The following SETD3 variants were observed in gnomAD, a reference collection of about 807,000 sequenced individuals.
SETD3 encodes the protein actin-histidine N-methyltransferase.
In SETD3, 19 loss-of-function variants were observed where a neutral mutation model predicts 63.0. The ratio of observed to expected loss-of-function variants is 0.30; its 90% CI spans 0.21 to 0.44. The LOEUF (loss-of-function observed/expected upper bound fraction) is 0.44, where lower values mean the gene tolerates loss of function less well. SETD3 is among the 20% of genes least tolerant of loss of function. The probability of loss-of-function intolerance (pLI) is 1.00; values close to 1 mark genes in which losing one functional copy is unlikely to be tolerated. For synonymous variants in SETD3, 286 were observed against 264.1 expected (o/e 1.08, Z -0.80); for missense variants, 587 against 728.5 (o/e 0.81, Z 2.24).
the SETD3 span, among the ~76,000 whole-genome samples, chr14:99,486,361 G>C: frequency 6.6e-6 from 1 of 152,092 alleles, no homozygotes. Flanking sequence ...GCAAACGCTC[G>C]CCTTTGGTGA....
chr14:99,462,333 A>C (rs1194674240), intron 3 of SETD3, among the ~76,000 whole-genome samples: 1 of 152,208 alleles, frequency 6.6e-6, no homozygotes, highest in Non-Finnish European at 1.5e-5. Context: ...TGGATGAATA[A>C]AAGGAGGGGA....
chr14:99,467,740 A>G (rs953498352), intron 1 of SETD3, among the ~76,000 whole-genome samples: 1 of 152,304 alleles, frequency 6.6e-6, no homozygotes. Context: ...GAGGAGCTCC[A>G]AGACCCTTTC....
At chr14:99,433,734 G>A (rs561446045) in intron 6 of SETD3, among the ~76,000 whole-genome samples, 15 of 152,158 alleles carry the variant, frequency 9.9e-5, no homozygotes, top group Non-Finnish European at 2.2e-4. Flanking sequence ...ACCACATCCG[G>A]CCTTAAAAAT....
At position 99,471,012 on chromosome 14, in the gene SETD3, C is replaced by T. The variant is rs193067445; in HGVS notation, c.-8-5199G>A. The stretch of plus-strand genomic sequence containing the variant: ...CCTTGGTGAGTATATCAGGGTCCTC[C>T]ACCTAAAATTTACCTGGCTAAAACC... On this transcript the variant is annotated intron_variant, in intron 1 of 12. Coordinates refer to ENST00000331768, the MANE Select transcript of SETD3 (RefSeq NM_032233.3). Among the ~76,000 whole-genome samples, 425 of 152,234 alleles carry T rather than the reference C, an allele frequency of 2.8e-3. 1 individual carries two copies. The highest frequency in any genetic ancestry group is 9.4e-3 in the African/African-American group (391 of 41,522).
chr14:99,436,037 A>G (rs1893461399), intron 6 of SETD3, among the ~76,000 whole-genome samples: 1 of 152,276 alleles, frequency 6.6e-6, no homozygotes, highest in Admixed American at 6.5e-5. Context: ...CTTCTTCACA[A>G]GGCAGCAGGA....
chr14:99,402,824 C>T (rs1007945223), intron 11 of SETD3, among the ~76,000 whole-genome samples: 1 of 152,226 alleles, frequency 6.6e-6, no homozygotes, highest in Non-Finnish European at 1.5e-5. Flanking sequence ...TAAAACTGAG[C>T]ATGTACCAAA....
intron 6 of SETD3, 142 bp downstream of exon 6, chr14:99,458,137 G>T: frequency 1.0e-6 from 1 of 1,001,468 alleles, no homozygotes. Flanking sequence ...AACAAACGAT[G>T]AAATGTATTT....
intron 6 of SETD3, among the ~76,000 whole-genome samples, chr14:99,426,013 C>G (rs1445643344): frequency 1.3e-5 from 2 of 151,966 alleles, no homozygotes; most frequent in African/African-American, 2.4e-5. Context: ...ATTATTAATC[C>G]CTAAAAAAAA....
At chr14:99,461,137 G>A in intron 4 of SETD3, 55 bp downstream of exon 4, 1 of 1,597,184 alleles carries the variant, frequency 6.3e-7, no homozygotes, top group Non-Finnish European at 8.5e-7. Context: ...GCCCTCTACA[G>A]CACACCACAG....
chr14:99,464,113 C>G (rs1350928943), intron 2 of SETD3, among the ~76,000 whole-genome samples: 1 of 152,150 alleles, frequency 6.6e-6, no homozygotes, highest in Non-Finnish European at 1.5e-5. Flanking sequence ...ATTCAGCAGT[C>G]TGGGGGAGTT....
At chr14:99,481,228 C>T, upstream of SETD3, 1 of 394,416 alleles carries the variant, frequency 2.5e-6, no homozygotes, top group Non-Finnish European at 4.5e-6. Context: ...GGCCCTGTGG[C>T]TGGCTCCTCC....
chr14:99,428,070 G>A (rs1033026249), intron 6 of SETD3, among the ~76,000 whole-genome samples: 5 of 152,230 alleles, frequency 3.3e-5, no homozygotes, highest in African/African-American at 1.2e-4. Flanking sequence ...ATGAAAAGGT[G>A]CAATGCCAGT....
intron 1 of SETD3, among the ~76,000 whole-genome samples, chr14:99,474,104 T>C (rs1895845254): frequency 6.6e-6 from 1 of 152,146 alleles, no homozygotes; most frequent in South Asian, 2.1e-4. Flanking sequence ...GTGGATCATT[T>C]GAGGTCAGGA....
At chr14:99,416,627 A>T (rs557929709) in intron 6 of SETD3, among the ~76,000 whole-genome samples, 1 of 152,272 alleles carries the variant, frequency 6.6e-6, no homozygotes, top group East Asian at 1.9e-4. Flanking sequence ...TGTCAGAAAG[A>T]CGACAGTGAG....
At chr14:99,480,185 A>C (rs1896204400) in intron 1 of SETD3, among the ~76,000 whole-genome samples, 1 of 152,138 alleles carries the variant, frequency 6.6e-6, no homozygotes, top group Non-Finnish European at 1.5e-5. Flanking sequence ...CCTGGTGGGC[A>C]CCGAGAACTC....
chr14:99,417,099 G>C (rs902852705), intron 6 of SETD3, among the ~76,000 whole-genome samples: 1 of 152,120 alleles, frequency 6.6e-6, no homozygotes, highest in Non-Finnish European at 1.5e-5. Context: ...CTATGCTTAA[G>C]GAAATTAAAA....
rs1566868623 is a variant in SETD3, at chr14:99,399,134, C to G, written c.1339-9G>C. 2 of 1,610,526 alleles carry G rather than the reference C, an allele frequency of 1.2e-6. No homozygotes were observed. The highest frequency in any genetic ancestry group is 2.2e-5 in the East Asian group (1 of 44,860). ...AAGACGGATTTATCTTCCTGGAAAA[C>G]AAGAGCAAAATTAATTACAAGAAGT... On this transcript the variant is annotated splice_polypyrimidine_tract_variant and intron_variant, in intron 12 of 12. Transcript: ENST00000331768.
rs892153563 is a variant in SETD3 at position 99,467,164 on chromosome 14, A to G, written c.-8-1351T>C. Among the ~76,000 whole-genome samples, 7 of 152,384 alleles carry G rather than the reference A, an allele frequency of 4.6e-5. No homozygotes were observed. The East Asian group carries it at 1.3e-3, about 29-fold the overall frequency. ...CTTCTCTTATGTATCTAACGTATAA[A>G]GAATAATGTGTAACACATTAATATA... On this transcript the variant is annotated intron_variant, in intron 1 of 12. Transcript: ENST00000331768.
chr14:99,457,557 T>C (rs1047583273), intron 6 of SETD3, among the ~76,000 whole-genome samples: 1 of 152,250 alleles, frequency 6.6e-6, no homozygotes, highest in Non-Finnish European at 1.5e-5. Context: ...GTAGTTCACC[T>C]GCCCACTTGT....
Sources: allele counts gnomAD v4.1 joint callset (sites outside exome capture counted in the v4.1 genomes callset), GRCh38; gene constraint gnomAD v4.1.1; transcripts MANE v1.5; gene names NCBI Gene and HGNC (gene_info 2026-07-23, HGNC 2026-07-21).